Variants in CLMP observed in about 807,000 individuals in gnomAD.
The protein encoded by CLMP is CXADR like cell adhesion molecule.
A neutral mutation model predicts 45.2 loss-of-function variants in CLMP; 27 were observed. The ratio of observed to expected loss-of-function variants is 0.60; its 90% CI spans 0.44 to 0.82. The LOEUF is 0.82. CLMP is among the 40% of genes least tolerant of loss of function. The pLI, the probability that CLMP is intolerant of heterozygous loss-of-function variation, is 0.00. For missense variants in CLMP, 403 were observed against 448.4 expected (o/e 0.90, Z 0.91); for synonymous variants, 167 against 171.4 (o/e 0.97, Z 0.20).
chr11:123,072,136 G>C lies in CLMP; in HGVS notation c.*1338C>G, dbSNP rs1352474963. Reference sequence around the variant, plus strand: ...TCTCTCATTTTTCACTTTTAGGAGGGAACGGTTATGGCATATACTTGCAGT... The same window carrying C: ...TCTCTCATTTTTCACTTTTAGGAGGCAACGGTTATGGCATATACTTGCAGT... On this transcript the variant is annotated 3_prime_UTR_variant, in exon 7 of 7. Transcript: ENST00000448775. 6.6e-6 allele frequency: 1 copy of C among 152,160 alleles called. No homozygotes were observed. The highest frequency in any genetic ancestry group is 1.5e-5 in the Non-Finnish European group (1 of 68,048). 9.4% of individuals were successfully genotyped at this position (152,160 alleles called of 1,614,324 possible). A position where few individuals can be genotyped will look rare whatever the true frequency, so the allele number is the denominator to read the frequency against.
chr11:123,173,246 G>A (rs1179618791), intron 1 of CLMP, among the ~76,000 whole-genome samples: 2 of 152,266 alleles, frequency 1.3e-5, no homozygotes, highest in African/African-American at 4.8e-5. Flanking sequence ...GACAGCATGT[G>A]TAATTTCCCA....
At chr11:123,141,639 C>T (rs1861160764) in intron 1 of CLMP, among the ~76,000 whole-genome samples, 1 of 152,140 alleles carries the variant, frequency 6.6e-6, no homozygotes, top group African/African-American at 2.4e-5. Flanking sequence ...TAGGTCTCTT[C>T]CTAAGCCCAA....
At chr11:123,099,694 G>T (rs897864827) in intron 1 of CLMP, among the ~76,000 whole-genome samples, 2 of 152,110 alleles carry the variant, frequency 1.3e-5, no homozygotes, top group Non-Finnish European at 2.9e-5. Context: ...GAGAGGCGGT[G>T]GGGGGCAGAT....
intron 3 of CLMP, 129 bp downstream of exon 3, chr11:123,084,383 G>A (rs747723415): frequency 1.3e-4 from 93 of 698,242 alleles, no homozygotes; most frequent in Non-Finnish European, 2.0e-4. Flanking sequence ...GGAACTGGAC[G>A]AGGTGACCTC....
At chr11:123,112,919 G>A (rs757674360) in intron 1 of CLMP, among the ~76,000 whole-genome samples, 2 of 151,902 alleles carry the variant, frequency 1.3e-5, no homozygotes, top group Admixed American at 6.6e-5. Context: ...GACTACAGGT[G>A]CCCGCCACCA....
rs566774976 is a variant in CLMP, at chr11:123,184,044, TA to T, written c.28+10868del. Among the ~76,000 whole-genome samples, 22 of 152,322 alleles carry T rather than the reference TA, an allele frequency of 1.4e-4. No individual in the cohort carries two copies. In the East Asian group the frequency reaches 3.7e-3, roughly 25 times the overall value. The stretch of plus-strand genomic sequence containing the variant: ...TGTCTCATAATGTTATCTTGAAGAT[TA>T]AATGTGCTAACATAGGGATAAGCAC... On this transcript the variant is annotated intron_variant, in intron 1 of 6. Transcript: ENST00000448775.
At position 123,189,448 on chromosome 11, in the gene CLMP, T is replaced by G. The variant is rs572230421; in HGVS notation, c.28+5465A>C. 5.1e-4 allele frequency among the ~76,000 whole-genome samples: 78 copies of G among 152,346 alleles called. No homozygotes were observed. In the South Asian group the frequency reaches 0.015, roughly 29 times the overall value. ...CTGTGAAATGGAGTAATAATAATAC[T>G]TACTCTCAAAGAGTGATTTGAGGTG... On this transcript the variant is annotated intron_variant, in intron 1 of 6. Transcript: ENST00000448775.
chr11:123,136,146 C>A, intron 1 of CLMP: 1 of 627,240 alleles, frequency 1.6e-6, no homozygotes, highest in Non-Finnish European at 3.1e-6. Context: ...AGAAAGTCAC[C>A]ACCTACTGCA....
chr11:123,088,188 G>T (rs1367843965), intron 2 of CLMP, among the ~76,000 whole-genome samples: 1 of 152,158 alleles, frequency 6.6e-6, no homozygotes, highest in African/African-American at 2.4e-5. Flanking sequence ...GGGATTACAG[G>T]TGTGAGCCAC....
In CLMP at chr11:123,072,653, C is replaced by G. The variant is rs1414849748; in HGVS notation, c.*821G>C. 1 of 152,154 alleles carries G rather than the reference C, an allele frequency of 6.6e-6. No individual in the cohort carries two copies. 9.4% of individuals were successfully genotyped at this position (152,154 alleles called of 1,614,324 possible). On this transcript the variant is annotated 3_prime_UTR_variant, in exon 7 of 7. Transcript: ENST00000448775. ...ATTTTCTCCTTCCAGAAATATCTAG[C>G]AGGAAAGTCCTTAGAGGCATCTGAT... is the stretch of plus-strand genomic sequence containing the variant.
chr11:123,081,745 C>T (rs1413486679), intron 5 of CLMP, among the ~76,000 whole-genome samples: 2 of 151,852 alleles, frequency 1.3e-5, no homozygotes, highest in African/African-American at 4.8e-5. Context: ...GCCTGTAATT[C>T]CAGCTACTCA....
intron 1 of CLMP, among the ~76,000 whole-genome samples, chr11:123,150,480 A>AAAGAAAGAAGGAAAGG (rs764502298): frequency 2.4e-5 from 1 of 40,962 alleles, no homozygotes; most frequent in African/African-American, 1.1e-4. Context: ...AGAAAGAAAG[A>AAAGAAAGAAGGAAAGG]AAGGAAGGAA....
chr11:123,172,123 T>G (rs1364133239), intron 1 of CLMP, among the ~76,000 whole-genome samples: 1 of 152,136 alleles, frequency 6.6e-6, no homozygotes. Flanking sequence ...TATAGATTCA[T>G]GAATCCTAAT....
chr11:123,075,979 C>T (rs1865735012), intron 5 of CLMP, among the ~76,000 whole-genome samples: 1 of 152,052 alleles, frequency 6.6e-6, no homozygotes, highest in Non-Finnish European at 1.5e-5. Context: ...TCGAGACCGG[C>T]CTGGCCAACA....
At chr11:123,163,644 G>T (rs2135535194) in intron 1 of CLMP, among the ~76,000 whole-genome samples, 1 of 152,318 alleles carries the variant, frequency 6.6e-6, no homozygotes, top group East Asian at 1.9e-4. Context: ...TTCAGTAAAA[G>T]GGGAGAACCA....
At chr11:123,110,775 G>A (rs1289563408) in intron 1 of CLMP, among the ~76,000 whole-genome samples, 1 of 152,164 alleles carries the variant, frequency 6.6e-6, no homozygotes, top group Non-Finnish European at 1.5e-5. Flanking sequence ...GGAAAAGGGA[G>A]AAGTTGAGGG....
At chr11:123,087,773 A>T (rs1416432859) in intron 2 of CLMP, among the ~76,000 whole-genome samples, 1 of 151,934 alleles carries the variant, frequency 6.6e-6, no homozygotes, top group East Asian at 1.9e-4. Flanking sequence ...GTGAGCCAAG[A>T]TCATGCCACT....
At chr11:123,077,844 C>T (rs913190956) in intron 5 of CLMP, among the ~76,000 whole-genome samples, 2 of 152,184 alleles carry the variant, frequency 1.3e-5, no homozygotes, top group African/African-American at 4.8e-5. Context: ...CTGTGGCTCA[C>T]GCCTGTAATC....
intron 1 of CLMP, among the ~76,000 whole-genome samples, chr11:123,104,235 G>GC (rs1860500905): frequency 6.8e-6 from 1 of 146,952 alleles, no homozygotes; most frequent in Non-Finnish European, 1.5e-5. Context: ...TTACAGGGTT[G>GC]CACCACCCAC....
Sources: gnomAD v4.1 joint callset for allele counts (sites outside exome capture counted in the v4.1 genomes callset) on GRCh38, gnomAD v4.1.1 for gene constraint, MANE v1.5 for transcripts, NCBI Gene and HGNC (gene_info 2026-07-23, HGNC 2026-07-21) for gene names.